Variants in CFAP20DC observed in about 807,000 individuals in gnomAD.
CFAP20DC encodes CFAP20 domain containing, also known as protein CFAP20DC.
CFAP20DC carries 84 observed loss-of-function variants against 101.7 expected under a neutral mutation model. That is an observed-to-expected ratio of 0.83 (90% CI 0.69 to 0.99). The LOEUF (loss-of-function observed/expected upper bound fraction) is 0.99. CFAP20DC is among the 50% of genes least tolerant of loss of function. The probability of loss-of-function intolerance (pLI) is 0.00; values close to 1 mark genes in which losing one functional copy is unlikely to be tolerated. For synonymous variants in CFAP20DC, 359 were observed against 351.2 expected (o/e 1.02, Z -0.25); for missense variants, 1,007 against 970.3 (o/e 1.04, Z -0.50).
At position 58,892,785 on chromosome 3, in the gene CFAP20DC, A is replaced by C. The variant is rs184437484; in HGVS notation, c.551-8076T>G. Among the ~76,000 whole-genome samples, 3 of 152,174 alleles carry C rather than the reference A, an allele frequency of 2.0e-5. No individual in the cohort carries two copies. The highest frequency in any genetic ancestry group is 4.1e-4 in the South Asian group (2 of 4,826). On this transcript the variant is annotated intron_variant, in intron 6 of 16. Coordinates refer to ENST00000482387, the MANE Select transcript of CFAP20DC (RefSeq NM_001394063.1). The surrounding 1 kb of genome is among the most constrained non-coding windows in gnomAD (Gnocchi z 4.0). Reference sequence around the variant, plus strand: ...GGATCATGTCATCTGCAAAAAGGTAATTTGACTTCCTCTCTTCCTATTTGA... The same window carrying C: ...GGATCATGTCATCTGCAAAAAGGTACTTTGACTTCCTCTCTTCCTATTTGA...
intron 15 of CFAP20DC, among the ~76,000 whole-genome samples, chr3:58,773,309 G>T (rs1202175107): frequency 1.3e-5 from 2 of 151,558 alleles, no homozygotes; most frequent in African/African-American, 4.9e-5. Context: ...CCAGCACTTT[G>T]GGAGGCTGAG....
chr3:58,829,717 G>A (rs995359914), intron 14 of CFAP20DC, among the ~76,000 whole-genome samples: 1 of 152,064 alleles, frequency 6.6e-6, no homozygotes, highest in Non-Finnish European at 1.5e-5. Flanking sequence ...TATACTTTTC[G>A]AGTGGAATAG....
intron 14 of CFAP20DC, among the ~76,000 whole-genome samples, chr3:58,811,798 C>T (rs1398237442): frequency 3.3e-5 from 5 of 152,034 alleles, no homozygotes; most frequent in Admixed American, 1.3e-4. Flanking sequence ...ATTTTCGCAA[C>T]CTGCTCATCT....
intron 13 of CFAP20DC, among the ~76,000 whole-genome samples, chr3:58,836,878 G>A (rs2076772789): frequency 6.6e-6 from 1 of 152,058 alleles, no homozygotes; most frequent in African/African-American, 2.4e-5. Flanking sequence ...ATACAAAATG[G>A]TTTGGCATTT....
chr3:58,853,672 G>A (rs930824575), intron 12 of CFAP20DC, among the ~76,000 whole-genome samples: 3 of 152,080 alleles, frequency 2.0e-5, no homozygotes, highest in Admixed American at 2.0e-4. Context: ...ATGCAAGGCT[G>A]GTTCAATATA....
chr3:58,946,538 G>T (rs933581762), intron 4 of CFAP20DC, among the ~76,000 whole-genome samples: 1 of 152,098 alleles, frequency 6.6e-6, no homozygotes. Flanking sequence ...CAAGTTTCTT[G>T]TCTTGTTTGT....
At chr3:59,005,892 G>C (rs2093422444) in intron 4 of CFAP20DC, among the ~76,000 whole-genome samples, 1 of 151,952 alleles carries the variant, frequency 6.6e-6, no homozygotes, top group Admixed American at 6.6e-5. Flanking sequence ...AAATATCCTA[G>C]ATACATAGAA....
intron 2 of CFAP20DC, among the ~76,000 whole-genome samples, chr3:59,046,687 T>C (rs1423275337): frequency 6.6e-6 from 1 of 151,914 alleles, no homozygotes; most frequent in African/African-American, 2.4e-5. Flanking sequence ...AAGTTCCCAA[T>C]GAAGTTGAAG....
At chr3:58,733,289 G>A (rs1037412976) in intron 3 of CFAP20DC, among the ~76,000 whole-genome samples, 1 of 152,050 alleles carries the variant, frequency 6.6e-6, no homozygotes, top group African/African-American at 2.4e-5. Flanking sequence ...CCAAGATTGC[G>A]CCACTGCACT....
At chr3:58,830,616 C>A (rs1159969585) in intron 14 of CFAP20DC, among the ~76,000 whole-genome samples, 1 of 152,148 alleles carries the variant, frequency 6.6e-6, no homozygotes, top group African/African-American at 2.4e-5. Context: ...TAAAACCTAA[C>A]TTATCCGCGT....
intron 12 of CFAP20DC, among the ~76,000 whole-genome samples, chr3:58,856,275 C>CACACAG (rs2078809316): frequency 7.1e-6 from 1 of 141,424 alleles, no homozygotes. Context: ...GACACACACA[C>CACACAG]ACACACACAC....
At chr3:58,871,531 C>CTT (rs951056591) in intron 7 of CFAP20DC, among the ~76,000 whole-genome samples, 9 of 136,150 alleles carry the variant, frequency 6.6e-5, no homozygotes, top group East Asian at 2.1e-4. Flanking sequence ...TCCGACTTTT[C>CTT]TTTTTTTTTT....
intron 5 of CFAP20DC, among the ~76,000 whole-genome samples, chr3:58,933,246 A>G (rs575563207): frequency 0.011 from 1,635 of 152,088 alleles, 40 homozygotes; most frequent in African/African-American, 0.037. Context: ...TATGCACCCA[A>G]TACAGGAGCA....
In CFAP20DC at chr3:58,925,799, C is replaced by T. The variant is rs552196818; in HGVS notation, c.393+11849G>A. 2.0e-5 allele frequency among the ~76,000 whole-genome samples: 3 copies of T among 152,298 alleles called. No individual in the cohort carries two copies. In the East Asian group the frequency reaches 5.8e-4, roughly 29 times the overall value. On this transcript the variant is annotated intron_variant, in intron 5 of 16. Transcript: ENST00000482387. ...TCAAGGGCCTATAGTCAGGAAGTGA[C>T]AGAACCAGAATCTGAACCCATAGAA... is the stretch of plus-strand genomic sequence containing the variant.
At chr3:58,827,806 TA>T (rs1247109630) in intron 14 of CFAP20DC, among the ~76,000 whole-genome samples, 1 of 152,240 alleles carries the variant, frequency 6.6e-6, no homozygotes, top group East Asian at 1.9e-4. Flanking sequence ...GATAAGGCTT[TA>T]TCTGTATCCT....
intron 14 of CFAP20DC, among the ~76,000 whole-genome samples, chr3:58,808,891 CAAAA>C (rs974561601): frequency 6.6e-6 from 1 of 151,564 alleles, no homozygotes; most frequent in African/African-American, 2.4e-5. Context: ...AAACGGAAAA[CAAAA>C]AAAGGCAGGG....
At chr3:58,849,748 T>G (rs775588796) in intron 12 of CFAP20DC, among the ~76,000 whole-genome samples, 7 of 152,098 alleles carry the variant, frequency 4.6e-5, no homozygotes, top group Non-Finnish European at 1.0e-4. Context: ...ATCTAAAACA[T>G]CTAAGAATCG....
chr3:58,808,866 G>T (rs2107760769), intron 14 of CFAP20DC, among the ~76,000 whole-genome samples: 1 of 152,224 alleles, frequency 6.6e-6, no homozygotes, highest in South Asian at 2.1e-4. Flanking sequence ...GAGGATGGAG[G>T]AAGATCTACC....
chr3:58,906,609 A>T (rs951975396), intron 6 of CFAP20DC, among the ~76,000 whole-genome samples: 1 of 152,052 alleles, frequency 6.6e-6, no homozygotes, highest in Non-Finnish European at 1.5e-5. Flanking sequence ...ATTGTTGGGA[A>T]AATAATTATT....
Sources: gnomAD v4.1 joint callset for allele counts (sites outside exome capture counted in the v4.1 genomes callset) on GRCh38, gnomAD v4.1.1 for gene constraint, Gnocchi (gnomAD v3.1) non-coding constraint, MANE v1.5 for transcripts, NCBI Gene and HGNC (gene_info 2026-07-23, HGNC 2026-07-21) for gene names.